Variants in SPTSSA observed in about 807,000 individuals in gnomAD.
SPTSSA encodes the protein serine palmitoyltransferase small subunit A.
In SPTSSA, 8 loss-of-function variants were observed where a neutral mutation model predicts 9.1. The observed-to-expected ratio is 0.88, with a 90% confidence interval of 0.51 to 1.58. The LOEUF is 1.58. SPTSSA is among the 40% of genes most tolerant of loss of function. The pLI is 0.00. For synonymous variants in SPTSSA, 42 were observed against 37.7 expected, an observed-to-expected ratio of 1.11 and a Z score of -0.41; for missense variants, 100 against 93.8, an observed-to-expected ratio of 1.07 and a Z score of -0.27.
intron 1 of SPTSSA, among the ~76,000 whole-genome samples, chr14:34,454,980 G>A (rs183532573): frequency 5.2e-4 from 79 of 152,012 alleles, no homozygotes; most frequent in African/African-American, 1.7e-3. Flanking sequence ...CCAGCTACTC[G>A]TGAGGCTGAG....
At chr14:34,456,421 G>A (rs1878470757) in intron 1 of SPTSSA, among the ~76,000 whole-genome samples, 1 of 151,992 alleles carries the variant, frequency 6.6e-6, no homozygotes, top group Non-Finnish European at 1.5e-5. Flanking sequence ...TTTAAAAGTG[G>A]GAAAAAAATG....
chr14:34,460,527 A>G (rs187009090), intron 1 of SPTSSA, among the ~76,000 whole-genome samples: 1 of 152,298 alleles, frequency 6.6e-6, no homozygotes, highest in African/African-American at 2.4e-5. Flanking sequence ...GAAAAATCTT[A>G]ACATCATTGA....
intron 1 of SPTSSA, among the ~76,000 whole-genome samples, chr14:34,459,519 G>A (rs1373898863): frequency 1.3e-5 from 2 of 151,172 alleles, no homozygotes; most frequent in Non-Finnish European, 1.5e-5. Context: ...GGTAGCTCAT[G>A]CCTGTAATCC....
At chr14:34,445,016 G>C (rs1221939554) in intron 1 of SPTSSA, among the ~76,000 whole-genome samples, 1 of 151,762 alleles carries the variant, frequency 6.6e-6, no homozygotes, top group African/African-American at 2.4e-5. Context: ...CACTCAAACT[G>C]GGAGCAGAGG....
At chr14:34,450,299 T>C (rs954602005) in intron 1 of SPTSSA, among the ~76,000 whole-genome samples, 4 of 152,202 alleles carry the variant, frequency 2.6e-5, no homozygotes, top group Non-Finnish European at 5.9e-5. Flanking sequence ...TGGACCTGAG[T>C]TTCTTCATAA....
chr14:34,437,428 G>A (rs1274857788), intron 1 of SPTSSA, among the ~76,000 whole-genome samples: 2 of 152,172 alleles, frequency 1.3e-5, no homozygotes, highest in African/African-American at 2.4e-5. Context: ...TCTCCTCCTA[G>A]TATAGCAGCC....
At chr14:34,435,623 C>CTTT (rs769896697) in intron 1 of SPTSSA, among the ~76,000 whole-genome samples, 2,830 of 92,256 alleles carry the variant, frequency 0.031, 126 homozygotes, top group African/African-American at 0.099. Flanking sequence ...GTTTGTTTCT[C>CTTT]TTTTTTTTTT....
chr14:34,456,948 A>AATTATT (rs201859323), intron 1 of SPTSSA, among the ~76,000 whole-genome samples: 1,544 of 146,178 alleles, frequency 0.011, 22 homozygotes, highest in Middle Eastern at 0.032. Flanking sequence ...TTCTGATTCA[A>AATTATT]ATTATTATTA....
At chr14:34,456,977 T>C (rs907068097) in intron 1 of SPTSSA, among the ~76,000 whole-genome samples, 1 of 141,878 alleles carries the variant, frequency 7.0e-6, no homozygotes, top group Non-Finnish European at 1.6e-5. Context: ...ATTATTACTA[T>C]TATTATTATT....
intron 1 of SPTSSA, among the ~76,000 whole-genome samples, chr14:34,443,233 G>A (rs1455907645): frequency 1.2e-5 from 1 of 85,340 alleles, no homozygotes; most frequent in Non-Finnish European, 2.2e-5. Context: ...GTGTGTGTGT[G>A]TGTGTTTTGA....
chr14:34,457,627 C>T (rs533903932), intron 1 of SPTSSA, among the ~76,000 whole-genome samples: 1 of 152,280 alleles, frequency 6.6e-6, no homozygotes, highest in South Asian at 2.1e-4. Flanking sequence ...TTCAAATATT[C>T]CTTGACAAAC....
chr14:34,455,352 A>C (rs1381922769), intron 1 of SPTSSA, among the ~76,000 whole-genome samples: 4 of 152,028 alleles, frequency 2.6e-5, no homozygotes, highest in Non-Finnish European at 4.4e-5. Context: ...GCACCACTGC[A>C]CTCTAGCCTG....
At chr14:34,447,351 G>C (rs759763511) in intron 1 of SPTSSA, among the ~76,000 whole-genome samples, 1 of 150,680 alleles carries the variant, frequency 6.6e-6, no homozygotes, top group Admixed American at 6.6e-5. Flanking sequence ...AGCATACTCC[G>C]AACTCTTGGT....
At chr14:34,442,650 T>C (rs962190970) in intron 1 of SPTSSA, among the ~76,000 whole-genome samples, 1 of 152,204 alleles carries the variant, frequency 6.6e-6, no homozygotes, top group African/African-American at 2.4e-5. Flanking sequence ...TACTGTTGAA[T>C]GGGAAAGTGG....
At chr14:34,451,714 T>G in intron 1 of SPTSSA, among the ~76,000 whole-genome samples, 1 of 140,000 alleles carries the variant, frequency 7.1e-6, no homozygotes, top group Admixed American at 6.9e-5. Context: ...CGAGACTCTG[T>G]TTCAAAAAAA....
chr14:34,460,606 T>C (rs1216739015), intron 1 of SPTSSA, among the ~76,000 whole-genome samples: 1 of 152,196 alleles, frequency 6.6e-6, no homozygotes, highest in East Asian at 1.9e-4. Flanking sequence ...TAGATTCTAA[T>C]AGTGCACTCT....
At chr14:34,445,491 ACT>A (rs1274679183) in intron 1 of SPTSSA, among the ~76,000 whole-genome samples, 3 of 152,104 alleles carry the variant, frequency 2.0e-5, no homozygotes, top group African/African-American at 7.2e-5. Flanking sequence ...ACAGAGCAAG[ACT>A]CTGTCTCAAA....
intron 1 of SPTSSA, among the ~76,000 whole-genome samples, chr14:34,437,623 G>A (rs927694632): frequency 2.0e-5 from 3 of 152,178 alleles, no homozygotes; most frequent in African/African-American, 7.2e-5. Flanking sequence ...GCAGCTTGCT[G>A]ATGGAATCTT....
intron 1 of SPTSSA, among the ~76,000 whole-genome samples, chr14:34,444,467 A>G (rs1304406438): frequency 6.6e-6 from 1 of 152,176 alleles, no homozygotes; most frequent in Non-Finnish European, 1.5e-5. Context: ...AACTGCTAAG[A>G]GTCAGGCCAG....
Sources: allele counts gnomAD v4.1 joint callset (sites outside exome capture counted in the v4.1 genomes callset), GRCh38; gene constraint gnomAD v4.1.1; transcripts MANE v1.5; gene names NCBI Gene and HGNC (gene_info 2026-07-23, HGNC 2026-07-21).